GRB10: variants seen among roughly 807,000 people sequenced by gnomAD.
The protein encoded by GRB10 is growth factor receptor bound protein 10, also known as growth factor receptor-bound protein 10.
GRB10 carries 20 observed loss-of-function variants against 80.9 expected under a neutral mutation model. That is an observed-to-expected ratio of 0.25 (90% CI 0.17 to 0.36). The LOEUF (loss-of-function observed/expected upper bound fraction) is 0.36, where lower values mean the gene tolerates loss of function less well. Among genes scored for constraint, GRB10 ranks in the 10% least tolerant of loss-of-function variants. The probability of loss-of-function intolerance (pLI) is 1.00; values close to 1 mark genes in which losing one functional copy is unlikely to be tolerated. For missense variants in GRB10, 548 were observed against 747.7 expected (o/e 0.73, Z 3.12); for synonymous variants, 291 against 291.5 (o/e 1.00, Z 0.02).
upstream of GRB10, among the ~76,000 whole-genome samples, chr7:50,785,166 A>C (rs972205877): frequency 1.3e-5 from 2 of 152,218 alleles, no homozygotes; most frequent in Non-Finnish European, 2.9e-5. Flanking sequence ...GAAGAGACCC[A>C]AAAGCATGAG....
rs182925864 is a variant in GRB10, at chr7:50,706,447, T to C, written c.52-2539A>G. On this transcript the variant is annotated intron_variant, in intron 4 of 18. Transcript: ENST00000401949. ...GACTAGGCCAGAGGCCACGTGCACTTTTTTAAGATTCTAGATACACACAGT... is the reference window on the plus strand; with the variant it reads ...GACTAGGCCAGAGGCCACGTGCACTCTTTTAAGATTCTAGATACACACAGT... 2.6e-5 allele frequency among the ~76,000 whole-genome samples: 4 copies of C among 152,326 alleles called. No homozygotes were observed. In the East Asian group the frequency reaches 7.7e-4, roughly 29 times the overall value.
At chr7:50,657,762 G>A (rs1457219012) in intron 7 of GRB10, among the ~76,000 whole-genome samples, 1 of 152,226 alleles carries the variant, frequency 6.6e-6, no homozygotes, top group Non-Finnish European at 1.5e-5. Context: ...CAGGGACTAT[G>A]TCTGTGCTCT....
At chr7:50,792,321 C>G (rs991324779) in intron 1 of GRB10, 3 of 394,212 alleles carry the variant, frequency 7.6e-6, no homozygotes, top group Non-Finnish European at 1.3e-5. Context: ...GATCCAGGAC[C>G]CTGTAAAAAT....
At chr7:50,690,688 G>C (rs2062714261) in intron 5 of GRB10, among the ~76,000 whole-genome samples, 1 of 90,004 alleles carries the variant, frequency 1.1e-5, no homozygotes. Flanking sequence ...ATGAACGAAT[G>C]AATGAAAGAC....
At chr7:50,728,362 T>C (rs1037270500) in intron 4 of GRB10, among the ~76,000 whole-genome samples, 1 of 152,124 alleles carries the variant, frequency 6.6e-6, no homozygotes, top group Non-Finnish European at 1.5e-5. Context: ...GATGATGTCA[T>C]CTTTCAGCTC....
chr7:50,644,300 C>G (rs1294437157), intron 7 of GRB10, among the ~76,000 whole-genome samples: 1 of 152,124 alleles, frequency 6.6e-6, no homozygotes, highest in Non-Finnish European at 1.5e-5. Flanking sequence ...CAGTGAGGTC[C>G]CACAAGCTGA....
intron 17 of GRB10, 66 bp from the exon 18 acceptor site, chr7:50,595,596 CTCTCTT>C (rs370536682): frequency 1.6e-5 from 12 of 761,798 alleles, no homozygotes; most frequent in Non-Finnish European, 2.1e-5. Flanking sequence ...CACACACACA[CTCTCTT>C]ACACACACAC....
intron 2 of GRB10, among the ~76,000 whole-genome samples, chr7:50,758,524 C>T (rs930093848): frequency 6.6e-6 from 1 of 152,114 alleles, no homozygotes; most frequent in Non-Finnish European, 1.5e-5. Flanking sequence ...TAAAGTTTTC[C>T]TTCTGCCTAG....
intron 7 of GRB10, among the ~76,000 whole-genome samples, chr7:50,664,337 C>A (rs1477097331): frequency 6.6e-6 from 1 of 152,220 alleles, no homozygotes; most frequent in East Asian, 1.9e-4. Context: ...TCACCCAGCA[C>A]CTGCAGGAAG....
At chr7:50,692,660 T>C (rs2062964176) in intron 5 of GRB10, among the ~76,000 whole-genome samples, 2 of 152,156 alleles carry the variant, frequency 1.3e-5, no homozygotes, top group African/African-American at 2.4e-5. Flanking sequence ...CTATGAAGTA[T>C]GACTTCAGAC....
chr7:50,607,548 T>A (rs1297342285), intron 13 of GRB10, among the ~76,000 whole-genome samples: 1 of 152,242 alleles, frequency 6.6e-6, no homozygotes, highest in Admixed American at 6.5e-5. Flanking sequence ...GGGCTCAATA[T>A]GTCTAAGACA....
intron 7 of GRB10, among the ~76,000 whole-genome samples, chr7:50,662,366 A>G (rs2059365582): frequency 6.6e-6 from 1 of 152,258 alleles, no homozygotes; most frequent in South Asian, 2.1e-4. Context: ...AATACCTCCA[A>G]GAAATGAAGG....
intron 8 of GRB10, among the ~76,000 whole-genome samples, chr7:50,624,822 T>C (rs2052578955): frequency 1.3e-5 from 2 of 152,194 alleles, no homozygotes; most frequent in Admixed American, 6.5e-5. Context: ...TTTTTTTATT[T>C]TTTATTTTTT....
At chr7:50,781,719 G>A (rs2078297222) in intron 1 of GRB10, among the ~76,000 whole-genome samples, 2 of 152,236 alleles carry the variant, frequency 1.3e-5, no homozygotes, top group South Asian at 2.1e-4. Context: ...GGCGACTGGC[G>A]TGTGGAACAG....
chr7:50,700,382 C>T (rs1488416476), intron 5 of GRB10, among the ~76,000 whole-genome samples: 1 of 152,124 alleles, frequency 6.6e-6, no homozygotes, highest in African/African-American at 2.4e-5. Flanking sequence ...AACTTGCTAA[C>T]GTGCTCTTAC....
At chr7:50,723,839 T>C (rs1052343992) in intron 4 of GRB10, among the ~76,000 whole-genome samples, 1 of 152,018 alleles carries the variant, frequency 6.6e-6, no homozygotes, top group South Asian at 2.1e-4. Flanking sequence ...GAGAAAAGAC[T>C]AGAACAGCTG....
intron 8 of GRB10, among the ~76,000 whole-genome samples, chr7:50,621,629 T>C (rs894728567): frequency 6.6e-6 from 1 of 152,192 alleles, no homozygotes. Flanking sequence ...CCAGTTTTAA[T>C]TTTCTCCATG....
At position 50,676,340 on chromosome 7, in the gene GRB10, G is replaced by C. The variant is rs550797081; in HGVS notation, c.140-1682C>G. On this transcript the variant is annotated intron_variant, in intron 5 of 18. Transcript: ENST00000401949. Reference sequence around the variant, plus strand: ...AGCAATAGTGTCCACCCCACCGGGGGGGGGGGGGGGTTGTAAGGACTAGGT... The same window carrying C: ...AGCAATAGTGTCCACCCCACCGGGGCGGGGGGGGGGTTGTAAGGACTAGGT... Among the ~76,000 whole-genome samples the C allele has an allele frequency of 8.0e-3, 1,191 of 149,584 alleles. 48 individuals are homozygous for C. The highest frequency in any genetic ancestry group is 0.012 in the Non-Finnish European group (789 of 67,218).
chr7:50,657,744 T>C (rs1033525773), intron 7 of GRB10, among the ~76,000 whole-genome samples: 1 of 152,218 alleles, frequency 6.6e-6, no homozygotes, highest in African/African-American at 2.4e-5. Context: ...CTTGTAAACC[T>C]TCCCACACAG....
Sources: gnomAD v4.1 joint callset for allele counts (sites outside exome capture counted in the v4.1 genomes callset) on GRCh38, gnomAD v4.1.1 for gene constraint, MANE v1.5 for transcripts, NCBI Gene and HGNC (gene_info 2026-07-23, HGNC 2026-07-21) for gene names.